Variants in FAM169A observed in about 807,000 individuals in gnomAD.
The protein encoded by FAM169A is soluble lamin-associated protein of 75 kDa.
FAM169A carries 24 observed loss-of-function variants against 75.7 expected under a neutral mutation model. That is an observed-to-expected ratio of 0.32 (90% CI 0.23 to 0.45). The LOEUF is 0.45. Among genes scored for constraint, FAM169A ranks in the 20% least tolerant of loss-of-function variants. The pLI is 1.00. For missense variants in FAM169A, 673 were observed against 784.0 expected (o/e 0.86, Z 1.69); for synonymous variants, 271 against 271.0 (o/e 1.00, Z 0.00).
At chr5:74,815,163 TA>T (rs1409396592) in intron 5 of FAM169A, among the ~76,000 whole-genome samples, 1 of 147,398 alleles carries the variant, frequency 6.8e-6, no homozygotes, top group African/African-American at 2.7e-5. Context: ...CATATGGTAA[TA>T]TACTTAGATA....
At chr5:74,800,291 C>CT (rs1252416715) in intron 10 of FAM169A, among the ~76,000 whole-genome samples, 2 of 151,400 alleles carry the variant, frequency 1.3e-5, no homozygotes, top group Non-Finnish European at 2.9e-5. Flanking sequence ...TCATTCCATT[C>CT]TTGACCAAAG....
intron 1 of FAM169A, among the ~76,000 whole-genome samples, chr5:74,843,463 C>A (rs1748988371): frequency 6.6e-6 from 1 of 152,110 alleles, no homozygotes; most frequent in African/African-American, 2.4e-5. Context: ...ATAATTAAAA[C>A]AATGTGATAC....
intron 5 of FAM169A, among the ~76,000 whole-genome samples, chr5:74,825,223 C>A (rs1747962793): frequency 6.6e-6 from 1 of 152,138 alleles, no homozygotes; most frequent in Non-Finnish European, 1.5e-5. Flanking sequence ...TGAACTCTAT[C>A]TTCTTAAATC....
At chr5:74,859,268 CA>C (rs758158983) in intron 1 of FAM169A, among the ~76,000 whole-genome samples, 19 of 147,600 alleles carry the variant, frequency 1.3e-4, no homozygotes, top group Non-Finnish European at 2.5e-4. Flanking sequence ...CACAAACTAA[CA>C]AAAAATGAAG....
chr5:74,781,783 T>C lies in FAM169A; in HGVS notation c.1690A>G (p.Thr564Ala), dbSNP rs1745423019. 3 of 1,613,980 alleles carry C rather than the reference T, an allele frequency of 1.9e-6. No homozygotes were observed. The highest frequency in any genetic ancestry group is 2.5e-6 in the Non-Finnish European group (3 of 1,179,938). ...CCCTGGTCTTCCAATGAGGAAGTAG[T>C]ATTAGGAGACAAATTCTCAGAGACC... ...EPVSENLSPN[T>A]TSSLEDQGEE... Residue 564 changes from threonine (T) to alanine (A), a missense_variant, in exon 13 of 13, where the codon ACT becomes GCT. By Grantham distance (58) the Thr-to-Ala change is moderately conservative. Around this residue, in one of 3 missense-constraint regions of FAM169A, gnomAD observed 510 missense variants for 550.9 expected, o/e 0.93. Transcript: ENST00000687041.
chr5:74,857,760 C>T (rs1049351020), intron 1 of FAM169A, among the ~76,000 whole-genome samples: 1 of 151,914 alleles, frequency 6.6e-6, no homozygotes, highest in Non-Finnish European at 1.5e-5. Flanking sequence ...ACATGACCAG[C>T]CAACAAACTA....
At chr5:74,851,729 CTT>C (rs950490872) in intron 1 of FAM169A, among the ~76,000 whole-genome samples, 2 of 152,118 alleles carry the variant, frequency 1.3e-5, no homozygotes, top group African/African-American at 4.8e-5. Flanking sequence ...ACTAAATACT[CTT>C]TATAAATCAG....
Position 74,796,011 on chromosome 5 carries a change from T to C in FAM169A, c.1260+19A>G. On this transcript the variant is annotated intron_variant, in intron 11 of 12. Coordinates refer to ENST00000687041, the MANE Select transcript of FAM169A (RefSeq NM_001376049.1). ...TTTAGTTTACTTTTTTTCATTTTGC[T>C]GAATAAGTGATCTCATACCTTTTCA... 1.3e-6 allele frequency: 2 copies of C among 1,595,552 alleles called. No homozygotes were observed. The highest frequency in any genetic ancestry group is 1.8e-5 in the Admixed American group (1 of 54,748).
chr5:74,866,552 AGCCCGGGGGCGTCACGCGGCCCCC>A, upstream of FAM169A: 1 of 519,230 alleles, frequency 1.9e-6, no homozygotes, highest in Non-Finnish European at 2.5e-6. Context: ...GGGCTTGGCC[AGCCCGGGGGCGTCACGCGGCCCCC>A]GCCTCGCCAC....
intron 6 of FAM169A, among the ~76,000 whole-genome samples, chr5:74,811,795 TG>T (rs1211131831): frequency 6.6e-6 from 1 of 152,186 alleles, no homozygotes; most frequent in Non-Finnish European, 1.5e-5. Flanking sequence ...TGACGATAAA[TG>T]GAACTATACG....
rs1746413843 is a variant in FAM169A, at chr5:74,798,862, A to G, written c.1103+2018T>C. ...GCCCAGTAAAATGAATCAATAAAGTAAAATTGAGGGTATTTTAAAACTGAC... is the reference window on the plus strand; with the variant it reads ...GCCCAGTAAAATGAATCAATAAAGTGAAATTGAGGGTATTTTAAAACTGAC... On this transcript the variant is annotated intron_variant, in intron 10 of 12. Transcript: ENST00000687041. The G allele has an allele frequency of 1.0e-5, 5 of 496,574 alleles. No homozygotes were observed. In the East Asian group the frequency reaches 2.2e-4, roughly 22 times the overall value. The allele number at this position is 496,574 out of a possible 1,614,324, so 30.8% of individuals were successfully genotyped here.
rs139146846 is a variant in FAM169A at position 74,840,006 on chromosome 5, C to A, written c.232+68G>T. The A allele has an allele frequency of 3.1e-3, 2,447 of 798,768 alleles. 33 individuals carry two copies. The African/African-American group carries it at 0.038, about 12-fold the overall frequency. The allele number at this position is 798,768 out of a possible 1,614,324, so 49.5% of individuals were successfully genotyped here. A position where few individuals can be genotyped will look rare whatever the true frequency, so the allele number is the denominator to read the frequency against. ...AAACCAAATTCCTTCATGTAGCTAC[C>A]TTTTAAATAAATTTCTAACAGTTTG... On this transcript the variant is annotated intron_variant, in intron 3 of 12. Transcript: ENST00000687041.
At chr5:74,843,430 T>C (rs1432040489) in intron 1 of FAM169A, among the ~76,000 whole-genome samples, 1 of 152,128 alleles carries the variant, frequency 6.6e-6, no homozygotes, top group Non-Finnish European at 1.5e-5. Flanking sequence ...CTGTCGGAGA[T>C]TAAAACATCT....
intron 4 of FAM169A, 115 bp from the exon 5 acceptor site, chr5:74,834,712 T>A: frequency 3.9e-6 from 3 of 764,128 alleles, no homozygotes; most frequent in Non-Finnish European, 5.7e-6. Context: ...GCACTTCAAA[T>A]GCATTCAAAA....
chr5:74,813,829 A>G lies in FAM169A; in HGVS notation c.670+11T>C. The G allele has an allele frequency of 6.6e-7, 1 of 1,509,686 alleles. No individual in the cohort carries two copies. Among genetic ancestry groups the G allele is most frequent in the Middle Eastern group, 1.8e-4 (1 of 5,628 alleles). 93.5% of individuals were successfully genotyped at this position (1,509,686 alleles called of 1,614,324 possible). On this transcript the variant is annotated intron_variant, in intron 6 of 12. Coordinates refer to ENST00000687041, the MANE Select transcript of FAM169A (RefSeq NM_001376049.1). ...AGACAAGTTTATTATTTTTTAACTT[A>G]GTCCATTTACCTGTATACATGAGAG...
intron 6 of FAM169A, 23 bp from the exon 7 acceptor site, chr5:74,805,307 T>C (rs1020857506): frequency 1.2e-6 from 2 of 1,605,040 alleles, no homozygotes; most frequent in Non-Finnish European, 1.7e-6. Flanking sequence ...TTTAGAATTT[T>C]CTAGAAATCC....
At chr5:74,836,677 G>A (rs982194461) in intron 4 of FAM169A, among the ~76,000 whole-genome samples, 6 of 152,214 alleles carry the variant, frequency 3.9e-5, no homozygotes, top group Non-Finnish European at 7.3e-5. Flanking sequence ...GCCAGGAGTG[G>A]TGGCTCACAC....
At chr5:74,825,084 ATTT>A (rs897002663) in intron 5 of FAM169A, among the ~76,000 whole-genome samples, 11 of 152,236 alleles carry the variant, frequency 7.2e-5, no homozygotes, top group African/African-American at 1.7e-4. Flanking sequence ...ATGAATGTTT[ATTT>A]TTATCTTTAT....
At chr5:74,805,383 A>G (rs1746813065) in intron 6 of FAM169A, 99 bp from the exon 7 acceptor site, 2 of 1,051,034 alleles carry the variant, frequency 1.9e-6, no homozygotes, top group Non-Finnish European at 2.7e-6. Flanking sequence ...TAACGGGGCT[A>G]GCATAACCTT....
Sources: allele counts gnomAD v4.1 joint callset (sites outside exome capture counted in the v4.1 genomes callset), GRCh38; gene constraint gnomAD v4.1.1; regional missense constraint gnomAD v4.1.1; transcripts MANE v1.5; gene names NCBI Gene and HGNC (gene_info 2026-07-23, HGNC 2026-07-21).